Variants in VPS13D observed in about 807,000 individuals in gnomAD.
The protein encoded by VPS13D is vacuolar protein sorting 13 homolog D.
In VPS13D, 187 loss-of-function variants were observed where a neutral mutation model predicts 461.9. The observed-to-expected ratio is 0.40, with a 90% CI of 0.36 to 0.46. VPS13D has a LOEUF of 0.46. Ranked by LOEUF, VPS13D falls within the 20% of genes least tolerant of loss-of-function variation. VPS13D has a pLI of 0.60. For missense variants in VPS13D, 4,711 were observed against 5,364.9 expected, an observed-to-expected ratio of 0.88 and a Z score of 3.81; for synonymous variants, 1,951 against 1,986.3, an observed-to-expected ratio of 0.98 and a Z score of 0.47.
At chr1:12,365,918 G>A (rs560372959) in intron 52 of VPS13D, among the ~76,000 whole-genome samples, 1 of 152,036 alleles carries the variant, frequency 6.6e-6, no homozygotes, top group African/African-American at 2.4e-5. Flanking sequence ...TTTTGTTTTT[G>A]TTGGAAATAG....
chr1:12,230,665 C>T (rs1032078200), intron 1 of VPS13D, among the ~76,000 whole-genome samples: 1 of 152,132 alleles, frequency 6.6e-6, no homozygotes, highest in African/African-American at 2.4e-5. Context: ...CGCGTGGAGA[C>T]ATCAGGCCTA....
chr1:12,315,047 A>G (rs1468062371), intron 30 of VPS13D, among the ~76,000 whole-genome samples: 1 of 152,224 alleles, frequency 6.6e-6, no homozygotes, highest in African/African-American at 2.4e-5. Context: ...TGCTGATATA[A>G]CATGTTGTTT....
chr1:12,237,669 T>C (rs1557656519), intron 2 of VPS13D, among the ~76,000 whole-genome samples: 2 of 132,764 alleles, frequency 1.5e-5, no homozygotes, highest in Non-Finnish European at 3.3e-5. Flanking sequence ...AAAAAATAAA[T>C]AAATAAAATT....
rs757790916 is a variant in VPS13D at position 12,327,799 on chromosome 1, T to C, written c.8142T>C (p.Cys2714=). The change falls in exon 36 of 70, where the codon TGT becomes TGC. Residue 2714 remains cysteine, a synonymous_variant. Coordinates refer to ENST00000620676, the MANE Select transcript of VPS13D (RefSeq NM_015378.4). ...VEIKAESVCI[C]FIDDCMDCDV... is the part of the protein sequence containing the mutation. ...TCAAAGCTGAGAGTGTGTGCATCTG[T>C]TTCATCGATGACTGCATGGATTGTG... The C allele has an allele frequency of 8.1e-6, 13 of 1,614,060 alleles. 1 individual carries two copies. The South Asian group carries it at 1.4e-4, about 18-fold the overall frequency.
At chr1:12,362,160 G>A (rs1050788274) in intron 50 of VPS13D, among the ~76,000 whole-genome samples, 3 of 152,200 alleles carry the variant, frequency 2.0e-5, no homozygotes, top group Non-Finnish European at 2.9e-5. Context: ...ACCACACCCG[G>A]CCATGAATAA....
chr1:12,279,555 G>A lies in VPS13D; in HGVS notation c.4507G>A (p.Glu1503Lys). The A allele has an allele frequency of 3.7e-6, 6 of 1,613,174 alleles. No homozygotes were observed. Among genetic ancestry groups the A allele is most frequent in the Non-Finnish European group, 5.1e-6 (6 of 1,179,368 alleles). ...IQFKLEKIPI[E>K]RESELTFSLS... ...GTTTAAACTGGAGAAGATCCCTATAGAGAGAGAATCTGAATTGACTTTTTC... is the reference window on the plus strand; with the variant it reads ...GTTTAAACTGGAGAAGATCCCTATAAAGAGAGAATCTGAATTGACTTTTTC... Residue 1503 changes from glutamate to lysine, a missense_variant, in exon 20 of 70, where the codon GAG becomes AAG. Physicochemically the swap from Glu to Lys is moderately conservative, Grantham distance 56. Around this residue, in one of 3 missense-constraint regions of VPS13D, gnomAD observed 4,411 missense variants for 4,937.8 expected, o/e 0.89. Transcript: ENST00000620676. The surrounding 1 kb of genome is among the most constrained non-coding windows in gnomAD (Gnocchi z 4.3).
chr1:12,499,987 A>G (rs1646014212), intron 68 of VPS13D: 1 of 985,426 alleles, frequency 1.0e-6, no homozygotes, highest in African/African-American at 1.7e-5. Flanking sequence ...TAACCCCTTT[A>G]AAGGATCTTT....
intron 12 of VPS13D, 41 bp downstream of exon 12, chr1:12,261,190 G>A (rs74819464): frequency 3.9e-5 from 63 of 1,604,070 alleles, no homozygotes; most frequent in African/African-American, 3.5e-4. Flanking sequence ...AAACAAATTC[G>A]TCTGTTATTT....
In VPS13D at chr1:12,409,084, C is replaced by T. The variant is rs931159691; in HGVS notation, c.12030+5111C>T. On this transcript the variant is annotated intron_variant, in intron 63 of 69. Transcript: ENST00000620676. ...TTTTGTCTTTTTACTTTGCTTTTGGCGTGTGTGTGTGTGTGTTTGTGTTTA... is the reference window on the plus strand; with the variant it reads ...TTTTGTCTTTTTACTTTGCTTTTGGTGTGTGTGTGTGTGTGTTTGTGTTTA... Among the ~76,000 whole-genome samples, 7 of 150,348 alleles carry T rather than the reference C, an allele frequency of 4.7e-5. No individual in the cohort carries two copies. The East Asian group carries it at 9.7e-4, about 21-fold the overall frequency.
intron 32 of VPS13D, among the ~76,000 whole-genome samples, chr1:12,321,282 G>A (rs981555210): frequency 6.6e-6 from 1 of 152,158 alleles, no homozygotes; most frequent in Non-Finnish European, 1.5e-5. Flanking sequence ...TGTGAGGAGG[G>A]AAAATAATCA....
At position 12,415,181 on chromosome 1, in the gene VPS13D, A is replaced by G. The variant is rs1002936390; in HGVS notation, c.12125A>G (p.Lys4042Arg). 2 of 1,614,136 alleles carry G rather than the reference A, an allele frequency of 1.2e-6. No homozygotes were observed. Among genetic ancestry groups the G allele is most frequent in the African/African-American group, 1.3e-5 (1 of 75,048 alleles). Reference sequence around the variant, plus strand: ...ACTCGGGTACATCCCTATGAGACCAAGGAGTTCATCATCAATGATATCCTC... The same window carrying G: ...ACTCGGGTACATCCCTATGAGACCAGGGAGTTCATCATCAATGATATCCTC... ...PFTRVHPYET[K>R]EFIINDILKH... Residue 4042 changes from lysine (K) to arginine (R), a missense_variant, in exon 64 of 70, where the codon AAG (lysine) becomes AGG (arginine). Coordinates refer to ENST00000620676, the MANE Select transcript of VPS13D (RefSeq NM_015378.4).
rs1056252916 is a variant in VPS13D, at chr1:12,509,313, G to A, written c.*289G>A. The stretch of plus-strand genomic sequence containing the variant: ...TAATTTTTAGATTGCCCTGTATTTT[G>A]TTAACATGTATATATGTACAACAGT... On this transcript the variant is annotated 3_prime_UTR_variant, in exon 70 of 70. Coordinates refer to ENST00000620676, the MANE Select transcript of VPS13D (RefSeq NM_015378.4). The A allele has an allele frequency of 5.6e-6, 2 of 357,520 alleles. No individual in the cohort carries two copies. Among genetic ancestry groups the A allele is most frequent in the Non-Finnish European group, 1.0e-5 (2 of 196,308 alleles). The allele number at this position is 357,520 out of a possible 1,614,324, so 22.1% of individuals were successfully genotyped here. A position where few individuals can be genotyped will look rare whatever the true frequency, so the allele number is the denominator to read the frequency against.
intron 22 of VPS13D, among the ~76,000 whole-genome samples, chr1:12,290,696 C>T (rs1256674728): frequency 6.7e-6 from 1 of 150,172 alleles, no homozygotes; most frequent in Non-Finnish European, 1.5e-5. Flanking sequence ...GTACTCCAGC[C>T]TGGGCGACAG....
chr1:12,334,063 A>G (rs909232447), intron 38 of VPS13D, among the ~76,000 whole-genome samples: 2 of 152,232 alleles, frequency 1.3e-5, no homozygotes, highest in African/African-American at 4.8e-5. Flanking sequence ...GCGATAACAC[A>G]TACTATTGCA....
chr1:12,285,581 C>T (rs573725995), intron 21 of VPS13D, among the ~76,000 whole-genome samples: 8 of 152,130 alleles, frequency 5.3e-5, no homozygotes, highest in East Asian at 1.9e-4. Flanking sequence ...TGAGCCACTG[C>T]GCGTTGCCTG....
chr1:12,445,812 A>G (rs577803855), intron 65 of VPS13D, among the ~76,000 whole-genome samples: 2 of 152,216 alleles, frequency 1.3e-5, no homozygotes, highest in Non-Finnish European at 2.9e-5. Context: ...TAAGTACCTT[A>G]GATTTGAACT....
At chr1:12,312,042 G>GATACGGAGAC in intron 29 of VPS13D, 117 bp downstream of exon 29, 1 of 676,542 alleles carries the variant, frequency 1.5e-6, no homozygotes, top group Admixed American at 3.1e-5. Context: ...AATGTTGTCT[G>GATACGGAGAC]CAGAGTGTCT....
intron 55 of VPS13D, 25 bp from the exon 56 acceptor site, chr1:12,378,403 C>T: frequency 6.4e-7 from 1 of 1,561,480 alleles, no homozygotes; most frequent in Non-Finnish European, 8.7e-7. Flanking sequence ...GGCTCTTTCT[C>T]TTTTTGCTTG....
Position 12,276,166 on chromosome 1 carries a change from C to T in VPS13D, c.2578C>T (p.Arg860Cys), listed in dbSNP as rs765664184. Residue 860 changes from arginine to cysteine, a missense_variant, in exon 19 of 70, where the codon CGT (arginine) becomes TGT (cysteine). Coordinates refer to ENST00000620676, the MANE Select transcript of VPS13D (RefSeq NM_015378.4). This position sits in a 1 kb window ranked among gnomAD's most constrained non-coding sequence, Gnocchi z 4.5. ...GTTCAACGTTCACCTACAGTTAGAG[C>T]GTCGATTGATTTATACTTCAGATCC... ...EKFNVHLQLE[R>C]RLIYTSDPKY... 17 of 1,613,994 alleles carry T rather than the reference C, an allele frequency of 1.1e-5. No individual in the cohort carries two copies. The highest frequency in any genetic ancestry group is 4.4e-5 in the South Asian group (4 of 91,082).
Sources: allele counts gnomAD v4.1 joint callset (sites outside exome capture counted in the v4.1 genomes callset), GRCh38; gene constraint gnomAD v4.1.1; regional missense constraint gnomAD v4.1.1; non-coding constraint Gnocchi (gnomAD v3.1); transcripts MANE v1.5; gene names NCBI Gene and HGNC (gene_info 2026-07-23, HGNC 2026-07-21).